Variants in IFT88 observed in about 807,000 individuals in gnomAD.
IFT88 encodes the protein intraflagellar transport 88.
In IFT88, 74 loss-of-function variants were observed where a neutral mutation model predicts 119.5. The ratio of observed to expected loss-of-function variants is 0.62; its 90% confidence interval spans 0.51 to 0.75. IFT88 has a LOEUF of 0.75. Ranked by LOEUF, IFT88 falls within the 30% of genes least tolerant of loss-of-function variation. The probability of loss-of-function intolerance (pLI) is 0.00; values close to 1 mark genes in which losing one functional copy is unlikely to be tolerated. For missense variants in IFT88, 961 were observed against 977.7 expected (o/e 0.98, Z 0.23); for synonymous variants, 279 against 316.7 (o/e 0.88, Z 1.26).
intron 20 of IFT88, among the ~76,000 whole-genome samples, chr13:20,645,524 G>T (rs906827918): frequency 6.6e-6 from 1 of 151,724 alleles, no homozygotes; most frequent in Non-Finnish European, 1.5e-5. Flanking sequence ...TTACACCTCA[G>T]CAAACAATTA....
chr13:20,662,324 CA>C (rs1219572819), intron 22 of IFT88, among the ~76,000 whole-genome samples: 1 of 151,700 alleles, frequency 6.6e-6, no homozygotes, highest in Non-Finnish European at 1.5e-5. Flanking sequence ...GCCTACCGAC[CA>C]AAAAAAGTCC....
At chr13:20,588,808 G>A (rs1440884788) in intron 3 of IFT88, among the ~76,000 whole-genome samples, 2 of 152,124 alleles carry the variant, frequency 1.3e-5, no homozygotes, top group Non-Finnish European at 2.9e-5. Context: ...AATCCAGTCG[G>A]GTTTGAGATG....
intron 16 of IFT88, among the ~76,000 whole-genome samples, chr13:20,633,389 A>G (rs988347782): frequency 6.6e-6 from 1 of 152,058 alleles, no homozygotes; most frequent in African/African-American, 2.4e-5. Context: ...CCTGCCTCCC[A>G]AAAAAGGGTC....
At chr13:20,616,168 A>G (rs1005390809) in intron 14 of IFT88, among the ~76,000 whole-genome samples, 1 of 152,224 alleles carries the variant, frequency 6.6e-6, no homozygotes, top group African/African-American at 2.4e-5. Context: ...AAAAATTCCT[A>G]TCACTAGTGA....
chr13:20,608,062 G>T (rs2043819461), intron 13 of IFT88: 5 of 530,320 alleles, frequency 9.4e-6, no homozygotes, highest in South Asian at 6.9e-5. Flanking sequence ...CCAGCACGGG[G>T]ACTATCATGG....
intron 7 of IFT88, among the ~76,000 whole-genome samples, chr13:20,593,797 C>G (rs1349967158): frequency 6.6e-6 from 1 of 152,050 alleles, no homozygotes; most frequent in Non-Finnish European, 1.5e-5. Context: ...TGCCTATAAT[C>G]TCAGCCTTTT....
intron 20 of IFT88, among the ~76,000 whole-genome samples, chr13:20,651,312 T>C (rs1270565959): frequency 6.6e-6 from 1 of 151,446 alleles, no homozygotes; most frequent in African/African-American, 2.4e-5. Context: ...CACACATGCC[T>C]CTCCATCTAT....
At chr13:20,658,406 C>T (rs904760274) in intron 22 of IFT88, among the ~76,000 whole-genome samples, 4 of 152,172 alleles carry the variant, frequency 2.6e-5, no homozygotes, top group African/African-American at 9.6e-5. Flanking sequence ...GTACAAATTT[C>T]TAGCCCTACC....
chr13:20,661,024 C>T (rs946598192), intron 22 of IFT88, among the ~76,000 whole-genome samples: 1 of 152,082 alleles, frequency 6.6e-6, no homozygotes, highest in African/African-American at 2.4e-5. Context: ...TTCATTTGTT[C>T]CCCAGAACTT....
intron 3 of IFT88, among the ~76,000 whole-genome samples, chr13:20,584,814 G>A (rs75919357): frequency 0.019 from 2,954 of 152,240 alleles, 108 homozygotes; most frequent in African/African-American, 0.066. Flanking sequence ...TACAGCAGTG[G>A]CTCTCAGCGG....
intron 17 of IFT88, among the ~76,000 whole-genome samples, chr13:20,639,352 C>CT (rs2049502699): frequency 6.6e-6 from 1 of 152,180 alleles, no homozygotes; most frequent in African/African-American, 2.4e-5. Context: ...TGGGTTGGCA[C>CT]TCTGCTATAG....
chr13:20,643,255 A>T (rs1354100493), intron 18 of IFT88, among the ~76,000 whole-genome samples, 200 bp from the exon 19 acceptor site: 1 of 152,222 alleles, frequency 6.6e-6, no homozygotes, highest in Non-Finnish European at 1.5e-5. Context: ...AAGGGAAAGC[A>T]GGCTATATAC....
chr13:20,615,922 T>C (rs554402074), intron 14 of IFT88, 43 bp downstream of exon 14: 3 of 1,097,670 alleles, frequency 2.7e-6, no homozygotes, highest in African/African-American at 3.3e-5. Flanking sequence ...GTGGTTTTTT[T>C]CATAATTTAT....
chr13:20,687,022 CAAAAAAAAAAAA>C (rs370247448), intron 24 of IFT88, among the ~76,000 whole-genome samples: 2 of 59,834 alleles, frequency 3.3e-5, no homozygotes, highest in Non-Finnish European at 7.1e-5. Context: ...ACTTTCTTAC[CAAAAAAAAAAAA>C]AAAAAAAAAA....
At chr13:20,594,283 T>C (rs192529327) in intron 7 of IFT88, among the ~76,000 whole-genome samples, 69 of 152,212 alleles carry the variant, frequency 4.5e-4, no homozygotes, top group African/African-American at 1.5e-3. Context: ...ATGTAACTGA[T>C]ATAGTCTAGA....
At chr13:20,607,469 G>T in intron 13 of IFT88, 1 of 674,982 alleles carries the variant, frequency 1.5e-6, no homozygotes, top group Non-Finnish European at 2.8e-6. Context: ...CATCATCAGC[G>T]GCGTCCTGAT....
chr13:20,613,143 T>C (rs2044901127), intron 13 of IFT88, among the ~76,000 whole-genome samples: 1 of 151,808 alleles, frequency 6.6e-6, no homozygotes, highest in African/African-American at 2.4e-5. Flanking sequence ...ATCCAGAGAG[T>C]GAAAAAATGA....
At chr13:20,595,298 T>C (rs1342293398) in intron 7 of IFT88, among the ~76,000 whole-genome samples, 1 of 152,128 alleles carries the variant, frequency 6.6e-6, no homozygotes, top group East Asian at 1.9e-4. Context: ...TTTTATTTTT[T>C]TGAGGCAGAG....
chr13:20,642,273 T>C (rs1282098253), intron 18 of IFT88: 1 of 152,192 alleles, frequency 6.6e-6, no homozygotes, highest in Non-Finnish European at 1.5e-5. Context: ...TTTTAAGTAC[T>C]ATCTGCTGTA....
Sources: gnomAD v4.1 joint callset for allele counts (sites outside exome capture counted in the v4.1 genomes callset) on GRCh38, gnomAD v4.1.1 for gene constraint, MANE v1.5 for transcripts, NCBI Gene and HGNC (gene_info 2026-07-23, HGNC 2026-07-21) for gene names.